Variants in PIGL observed in about 807,000 individuals in gnomAD.
PIGL encodes phosphatidylinositol glycan anchor biosynthesis class L.
PIGL carries 22 observed loss-of-function variants against 31.1 expected under a neutral mutation model. The observed-to-expected ratio is 0.71, with a 90% CI of 0.51 to 1.01. The LOEUF is 1.01. PIGL is among the 50% of genes least tolerant of loss of function. The pLI is 0.00. For synonymous variants in PIGL, 131 were observed against 117.4 expected (o/e 1.12, Z -0.75); for missense variants, 302 against 315.9 (o/e 0.96, Z 0.33).
At chr17:16,256,816 T>G (rs1413646862) in intron 2 of PIGL, among the ~76,000 whole-genome samples, 1 of 152,060 alleles carries the variant, frequency 6.6e-6, no homozygotes, top group East Asian at 1.9e-4. Flanking sequence ...GCCTCCCAAG[T>G]AGCTGGGACT....
At chr17:16,306,696 A>G (rs1441353629) in intron 3 of PIGL, among the ~76,000 whole-genome samples, 1 of 151,750 alleles carries the variant, frequency 6.6e-6, no homozygotes, top group Non-Finnish European at 1.5e-5. Context: ...GGCCCAGCTA[A>G]TTTTGTATTT....
chr17:16,274,800 G>T (rs544818464), intron 2 of PIGL, among the ~76,000 whole-genome samples: 78 of 152,012 alleles, frequency 5.1e-4, no homozygotes, highest in Non-Finnish European at 6.9e-4. Flanking sequence ...AGGAGGCCGA[G>T]GGGGGCGGAT....
At chr17:16,283,442 T>G (rs2092924783) in intron 2 of PIGL, among the ~76,000 whole-genome samples, 1 of 152,108 alleles carries the variant, frequency 6.6e-6, no homozygotes. Context: ...CACTCCAGCC[T>G]GGATGACAGA....
intron 1 of PIGL, among the ~76,000 whole-genome samples, chr17:16,218,791 G>C (rs2092611615): frequency 6.7e-6 from 1 of 148,236 alleles, no homozygotes; most frequent in East Asian, 2.0e-4. Context: ...TGATTCTCCT[G>C]CGTCAGCCTG....
chr17:16,254,946 CCTCGATATATAATACTTG>C (rs1337281793), intron 2 of PIGL, among the ~76,000 whole-genome samples: 3 of 152,142 alleles, frequency 2.0e-5, no homozygotes, highest in Admixed American at 6.6e-5. Flanking sequence ...CCCTTTGAAC[CCTCGATATATAATACTTG>C]CTCAATTATG....
At chr17:16,221,521 G>C in intron 1 of PIGL, among the ~76,000 whole-genome samples, 1 of 151,076 alleles carries the variant, frequency 6.6e-6, no homozygotes, top group Non-Finnish European at 1.5e-5. Flanking sequence ...GCAATCTTGG[G>C]TCACTGCAAC....
In PIGL at chr17:16,289,784, T is replaced by C. The variant is rs181039025; in HGVS notation, c.336-10104T>C. On this transcript the variant is annotated intron_variant, in intron 2 of 6. Transcript: ENST00000225609. ...GCAGGGCAATGCCAGACTTTTCTTTTCTTTTTTTAAAGACAGAGTTTCGCT... is the reference window on the plus strand; with the variant it reads ...GCAGGGCAATGCCAGACTTTTCTTTCCTTTTTTTAAAGACAGAGTTTCGCT... Among the ~76,000 whole-genome samples the C allele has an allele frequency of 4.6e-5, 7 of 152,346 alleles. No individual in the cohort carries two copies. In the East Asian group the frequency reaches 1.3e-3, roughly 29 times the overall value.
chr17:16,231,077 T>C (rs1354039381), intron 1 of PIGL, among the ~76,000 whole-genome samples: 3 of 146,110 alleles, frequency 2.1e-5, no homozygotes, highest in Admixed American at 6.8e-5. Flanking sequence ...CTTTTTTTTT[T>C]TTTTTTTTTT....
intron 6 of PIGL, 45 bp from the exon 7 acceptor site, chr17:16,325,755 C>A (rs1347885684): frequency 7.1e-7 from 1 of 1,403,184 alleles, no homozygotes; most frequent in African/African-American, 1.4e-5. Context: ...AATGAAACAA[C>A]TCCAGTGCAA....
chr17:16,263,617 C>T (rs929172757), intron 2 of PIGL, among the ~76,000 whole-genome samples: 19 of 144,956 alleles, frequency 1.3e-4, no homozygotes, highest in African/African-American at 3.8e-4. Context: ...CTCTGCTTTC[C>T]GGATTCAAGC....
chr17:16,271,231 C>A (rs1444583777), intron 2 of PIGL, among the ~76,000 whole-genome samples: 4 of 152,146 alleles, frequency 2.6e-5, no homozygotes, highest in African/African-American at 9.7e-5. Context: ...AGGAATTATT[C>A]TTCTGTAGCA....
intron 3 of PIGL, among the ~76,000 whole-genome samples, chr17:16,302,150 A>G (rs1357652394): frequency 1.3e-5 from 2 of 152,174 alleles, no homozygotes; most frequent in Non-Finnish European, 1.5e-5. Flanking sequence ...GATGGGCCTC[A>G]GGTACCCTGA....
chr17:16,293,293 G>C (rs1264288801), intron 2 of PIGL, among the ~76,000 whole-genome samples: 1 of 152,224 alleles, frequency 6.6e-6, no homozygotes, highest in Non-Finnish European at 1.5e-5. Context: ...GGAAGGCCAA[G>C]GTGGGTGGAT....
intron 1 of PIGL, among the ~76,000 whole-genome samples, chr17:16,220,679 C>T (rs1467416952): frequency 1.3e-5 from 2 of 151,686 alleles, no homozygotes; most frequent in Non-Finnish European, 2.9e-5. Flanking sequence ...TAGAGACGGG[C>T]TTTCTCCATG....
chr17:16,284,263 C>T (rs935644658), intron 2 of PIGL, among the ~76,000 whole-genome samples: 6 of 152,172 alleles, frequency 3.9e-5, no homozygotes, highest in African/African-American at 1.4e-4. Flanking sequence ...AGGCATCAGC[C>T]ACTGCGCCTA....
At chr17:16,227,125 T>C (rs550660771) in intron 1 of PIGL, among the ~76,000 whole-genome samples, 5 of 152,260 alleles carry the variant, frequency 3.3e-5, no homozygotes, top group African/African-American at 1.2e-4. Flanking sequence ...TTTTTTTTTT[T>C]TGAGACGGAG....
chr17:16,256,886 C>G (rs1011362504), intron 2 of PIGL, among the ~76,000 whole-genome samples: 6 of 151,766 alleles, frequency 4.0e-5, no homozygotes, highest in African/African-American at 1.5e-4. Context: ...TGAGTTTTGC[C>G]ATGTTGCCTA....
At chr17:16,300,749 G>T (rs530517001) in intron 3 of PIGL, among the ~76,000 whole-genome samples, 1 of 152,018 alleles carries the variant, frequency 6.6e-6, no homozygotes, top group African/African-American at 2.4e-5. Context: ...AGGCCAAGCA[G>T]CTTGTCCAAG....
chr17:16,265,324 C>T (rs907969567), intron 2 of PIGL, among the ~76,000 whole-genome samples: 54 of 152,064 alleles, frequency 3.6e-4, no homozygotes, highest in Non-Finnish European at 7.4e-5. Context: ...GTTGTGGTCA[C>T]GAGGTGATTA....
Sources: gnomAD v4.1 joint callset for allele counts (sites outside exome capture counted in the v4.1 genomes callset) on GRCh38, gnomAD v4.1.1 for gene constraint, MANE v1.5 for transcripts, NCBI Gene and HGNC (gene_info 2026-07-23, HGNC 2026-07-21) for gene names.